Variants in KCNMB4 observed in about 807,000 individuals in gnomAD.
KCNMB4 encodes potassium calcium-activated channel subfamily M regulatory beta subunit 4, also known as calcium-activated potassium channel subunit beta-4.
In KCNMB4, 3 loss-of-function variants were observed where a neutral mutation model predicts 20.7. The observed-to-expected ratio is 0.14, with a 90% confidence interval of 0.07 to 0.37. The LOEUF is 0.37. KCNMB4 is among the 10% of genes least tolerant of loss of function. The pLI is 1.00. For synonymous variants in KCNMB4, 110 were observed against 113.4 expected (o/e 0.97, Z 0.19); for missense variants, 168 against 265.9 (o/e 0.63, Z 2.56).
intron 2 of KCNMB4, among the ~76,000 whole-genome samples, chr12:70,419,810 G>C (rs556042856): frequency 1.3e-5 from 2 of 149,226 alleles, no homozygotes; most frequent in African/African-American, 4.9e-5. Flanking sequence ...GAGGCACTTA[G>C]GGAGGATGGA....
intron 2 of KCNMB4, among the ~76,000 whole-genome samples, chr12:70,405,099 A>G (rs966870281): frequency 6.6e-6 from 1 of 152,222 alleles, no homozygotes; most frequent in Non-Finnish European, 1.5e-5. Flanking sequence ...AAGATAATTT[A>G]GGTACAGCCT....
chr12:70,418,356 C>T (rs1196603132), intron 2 of KCNMB4, among the ~76,000 whole-genome samples: 1 of 151,392 alleles, frequency 6.6e-6, no homozygotes, highest in Non-Finnish European at 1.5e-5. Context: ...GAACATGATT[C>T]AGCTTAGGGA....
intron 1 of KCNMB4, among the ~76,000 whole-genome samples, chr12:70,381,189 C>T (rs1007010196): frequency 5.9e-5 from 9 of 151,580 alleles, no homozygotes; most frequent in African/African-American, 2.2e-4. Flanking sequence ...AAATCAAAAC[C>T]CCAATGAAAT....
intron 2 of KCNMB4, among the ~76,000 whole-genome samples, chr12:70,427,497 T>G (rs1226131890): frequency 6.6e-6 from 1 of 152,206 alleles, no homozygotes; most frequent in Non-Finnish European, 1.5e-5. Flanking sequence ...AATGTGTACA[T>G]TTATATATAA....
chr12:70,424,477 C>T (rs1007619786), intron 2 of KCNMB4, among the ~76,000 whole-genome samples: 3 of 145,002 alleles, frequency 2.1e-5, no homozygotes, highest in Admixed American at 7.1e-5. Context: ...AGGCTGGGTG[C>T]GGCAGGGCAT....
intron 2 of KCNMB4, among the ~76,000 whole-genome samples, chr12:70,418,905 G>C (rs992146481): frequency 1.3e-5 from 2 of 152,228 alleles, no homozygotes; most frequent in African/African-American, 4.8e-5. Flanking sequence ...AATCCTTCCA[G>C]TGTTTGTAGC....
At chr12:70,408,727 C>T (rs1868683961) in intron 2 of KCNMB4, among the ~76,000 whole-genome samples, 1 of 152,072 alleles carries the variant, frequency 6.6e-6, no homozygotes, top group African/African-American at 2.4e-5. Flanking sequence ...CTTTGCCTCC[C>T]TTAACCTCGA....
chr12:70,418,414 T>C (rs151195333), intron 2 of KCNMB4, among the ~76,000 whole-genome samples: 31 of 152,278 alleles, frequency 2.0e-4, no homozygotes, highest in Middle Eastern at 3.4e-3. Context: ...AAAGCAGCTT[T>C]TTATATGTGT....
chr12:70,399,189 G>T (rs1868392060), intron 1 of KCNMB4, among the ~76,000 whole-genome samples: 1 of 152,212 alleles, frequency 6.6e-6, no homozygotes, highest in African/African-American at 2.4e-5. Flanking sequence ...GTGAGAAGGT[G>T]TTGAATAATT....
At chr12:70,421,155 G>A (rs2136141035) in intron 2 of KCNMB4, among the ~76,000 whole-genome samples, 1 of 152,106 alleles carries the variant, frequency 6.6e-6, no homozygotes, top group South Asian at 2.1e-4. Context: ...AGTTGGACTT[G>A]GACTAGATTT....
At chr12:70,399,539 C>T (rs1332633586) in intron 1 of KCNMB4, among the ~76,000 whole-genome samples, 1 of 152,106 alleles carries the variant, frequency 6.6e-6, no homozygotes, top group African/African-American at 2.4e-5. Flanking sequence ...ATTAGAATGC[C>T]GAGAGTTCAT....
At chr12:70,388,078 A>G (rs901343396) in intron 1 of KCNMB4, among the ~76,000 whole-genome samples, 4 of 151,926 alleles carry the variant, frequency 2.6e-5, no homozygotes, top group Admixed American at 6.6e-5. Context: ...ACATGTAACC[A>G]TTGTCTTTCT....
chr12:70,367,121 C>A, intron 1 of KCNMB4, 51 bp downstream of exon 1: 2 of 1,428,980 alleles, frequency 1.4e-6, no homozygotes, highest in Non-Finnish European at 1.9e-6. Flanking sequence ...GGTTTGGAGG[C>A]AGCGTCGGTG....
intron 2 of KCNMB4, among the ~76,000 whole-genome samples, chr12:70,407,193 A>T (rs1488676670): frequency 1.3e-5 from 2 of 152,162 alleles, no homozygotes; most frequent in Non-Finnish European, 2.9e-5. Flanking sequence ...CTCACAGAAC[A>T]CTACTTACTA....
chr12:70,384,873 C>CAAAAAA (rs57306622), intron 1 of KCNMB4, among the ~76,000 whole-genome samples: 10 of 74,314 alleles, frequency 1.3e-4, no homozygotes, highest in African/African-American at 4.1e-4. Context: ...GACCCTGTCT[C>CAAAAAA]AAAAAAAAAA....
chr12:70,409,208 A>G (rs531961835), intron 2 of KCNMB4, among the ~76,000 whole-genome samples: 2 of 152,280 alleles, frequency 1.3e-5, no homozygotes, highest in South Asian at 2.1e-4. Context: ...CACACGTCAA[A>G]TGAACAAATC....
intron 1 of KCNMB4, among the ~76,000 whole-genome samples, chr12:70,396,091 C>T (rs1369904363): frequency 1.3e-5 from 2 of 152,160 alleles, no homozygotes; most frequent in African/African-American, 4.8e-5. Context: ...AACCCATCAG[C>T]TCTCAGGAGG....
At chr12:70,371,495 G>A (rs985669002) in intron 1 of KCNMB4, among the ~76,000 whole-genome samples, 1 of 152,158 alleles carries the variant, frequency 6.6e-6, no homozygotes, top group African/African-American at 2.4e-5. Context: ...GATACATTTT[G>A]CGCTCTAGAG....
At chr12:70,425,733 G>A (rs1448694617) in intron 2 of KCNMB4, among the ~76,000 whole-genome samples, 2 of 152,186 alleles carry the variant, frequency 1.3e-5, no homozygotes, top group Non-Finnish European at 2.9e-5. Context: ...CTAACCTGAT[G>A]GGACACCCTC....
Sources: gnomAD v4.1 joint callset for allele counts (sites outside exome capture counted in the v4.1 genomes callset) on GRCh38, gnomAD v4.1.1 for gene constraint, MANE v1.5 for transcripts, NCBI Gene and HGNC (gene_info 2026-07-23, HGNC 2026-07-21) for gene names.